Variants in FOXO1 observed in about 807,000 individuals in gnomAD.
FOXO1 encodes forkhead box protein O1.
Under a neutral mutation model 44.1 loss-of-function variants are expected in FOXO1, and 6 were observed. That is an observed-to-expected ratio of 0.14 (90% CI 0.07 to 0.27). The LOEUF is 0.27. Among genes scored for constraint, FOXO1 ranks in the 10% least tolerant of loss-of-function variants. The probability of loss-of-function intolerance (pLI) is 1.00; values close to 1 mark genes in which losing one functional copy is unlikely to be tolerated. For missense variants in FOXO1, 737 were observed against 888.8 expected, an observed-to-expected ratio of 0.83 and a Z score of 2.17; for synonymous variants, 380 against 362.7, an observed-to-expected ratio of 1.05 and a Z score of -0.54.
chr13:40,641,615 T>C (rs1220706062), intron 1 of FOXO1, among the ~76,000 whole-genome samples: 1 of 152,152 alleles, frequency 6.6e-6, no homozygotes. Context: ...CTAGTTTTTT[T>C]CTCCAAAATT....
intron 1 of FOXO1, among the ~76,000 whole-genome samples, chr13:40,609,630 G>A (rs1247360649): frequency 6.6e-6 from 1 of 151,934 alleles, no homozygotes; most frequent in East Asian, 1.9e-4. Flanking sequence ...TTGAACCAAG[G>A]CCAGTAGAAT....
At chr13:40,641,774 T>A (rs532091302) in intron 1 of FOXO1, among the ~76,000 whole-genome samples, 5 of 152,126 alleles carry the variant, frequency 3.3e-5, no homozygotes, top group Non-Finnish European at 7.4e-5. Context: ...TCACTTGAGG[T>A]CAGGAGTTCA....
chr13:40,605,495 C>A (rs1210865038), intron 1 of FOXO1, among the ~76,000 whole-genome samples: 1 of 152,180 alleles, frequency 6.6e-6, no homozygotes, highest in Non-Finnish European at 1.5e-5. Flanking sequence ...GCTCCCAATT[C>A]TCCAGCCTTA....
intron 1 of FOXO1, among the ~76,000 whole-genome samples, chr13:40,585,303 G>C (rs776030195): frequency 6.6e-6 from 1 of 151,272 alleles, no homozygotes; most frequent in Non-Finnish European, 1.5e-5. Flanking sequence ...TTCCTCCCCC[G>C]CTTTCCCCTT....
chr13:40,644,175 G>A (rs1457274962), intron 1 of FOXO1, among the ~76,000 whole-genome samples: 1 of 152,206 alleles, frequency 6.6e-6, no homozygotes, highest in East Asian at 1.9e-4. Context: ...CTTTTGTCCA[G>A]TGATCTCGAA....
chr13:40,564,945 G>GAGTCGGGGAACCCCGACATGGTGT (rs1285122774), intron 1 of FOXO1, among the ~76,000 whole-genome samples: 17,972 of 148,496 alleles, frequency 0.12, 2,064 homozygotes, highest in East Asian at 0.32. Context: ...ACAGATGGGG[G>GAGTCGGGGAACCCCGACATGGTGT]AGTCGGGGAA....
At chr13:40,570,242 G>A (rs1593382403) in intron 1 of FOXO1, among the ~76,000 whole-genome samples, 2 of 151,888 alleles carry the variant, frequency 1.3e-5, no homozygotes, top group Middle Eastern at 3.4e-3. Flanking sequence ...CTCGGGAGGC[G>A]GAGGTTGCAG....
chr13:40,575,408 C>T (rs959785186), intron 1 of FOXO1, among the ~76,000 whole-genome samples: 4 of 152,028 alleles, frequency 2.6e-5, no homozygotes, highest in Admixed American at 2.0e-4. Flanking sequence ...AGTGTTAGAG[C>T]ACTTGCCAGG....
intron 1 of FOXO1, among the ~76,000 whole-genome samples, chr13:40,635,567 C>G (rs1049779260): frequency 6.6e-6 from 1 of 152,180 alleles, no homozygotes; most frequent in Non-Finnish European, 1.5e-5. Context: ...AAACAAATAA[C>G]CTGCTAAGAC....
At chr13:40,604,782 T>G (rs1237679539) in intron 1 of FOXO1, among the ~76,000 whole-genome samples, 4 of 152,162 alleles carry the variant, frequency 2.6e-5, no homozygotes, top group Non-Finnish European at 5.9e-5. Flanking sequence ...TAAGATGTTA[T>G]TTTTTTCTAG....
intron 1 of FOXO1, among the ~76,000 whole-genome samples, chr13:40,579,432 T>C (rs1874880053): frequency 6.6e-6 from 1 of 152,186 alleles, no homozygotes; most frequent in Admixed American, 6.5e-5. Flanking sequence ...ACAGTCAACA[T>C]CATCTTCAGA....
chr13:40,620,372 G>A, intron 1 of FOXO1: 1 of 703,764 alleles, frequency 1.4e-6, no homozygotes, highest in Non-Finnish European at 2.6e-6. Context: ...CTCGTTTAGA[G>A]CGGTCACGTA....
At chr13:40,592,287 T>C (rs774405230) in intron 1 of FOXO1, among the ~76,000 whole-genome samples, 5 of 152,200 alleles carry the variant, frequency 3.3e-5, no homozygotes, top group Non-Finnish European at 7.3e-5. Context: ...TGTATCCTGA[T>C]CATGATTTAA....
intron 1 of FOXO1, among the ~76,000 whole-genome samples, chr13:40,622,445 A>C (rs912457747): frequency 6.6e-6 from 1 of 152,222 alleles, no homozygotes; most frequent in African/African-American, 2.4e-5. Context: ...ACTTACAGAG[A>C]TGTTTATTTA....
intron 1 of FOXO1, among the ~76,000 whole-genome samples, chr13:40,603,100 A>G (rs1875868026): frequency 6.6e-6 from 1 of 152,138 alleles, no homozygotes; most frequent in Non-Finnish European, 1.5e-5. Flanking sequence ...GGGGCTGCCA[A>G]TGGTCCTTCA....
chr13:40,652,123 TC>T (rs925830612), intron 1 of FOXO1, among the ~76,000 whole-genome samples: 17 of 152,092 alleles, frequency 1.1e-4, no homozygotes, highest in African/African-American at 4.1e-4. Flanking sequence ...TCCCCTCTCC[TC>T]CCTCCCCACT....
intron 1 of FOXO1, among the ~76,000 whole-genome samples, chr13:40,571,937 G>A (rs531958379): frequency 1.3e-5 from 2 of 152,248 alleles, no homozygotes; most frequent in South Asian, 4.1e-4. Flanking sequence ...TTTAAATTAG[G>A]CATAAAATAA....
At chr13:40,641,947 T>C (rs1394590625) in intron 1 of FOXO1, among the ~76,000 whole-genome samples, 2 of 152,010 alleles carry the variant, frequency 1.3e-5, no homozygotes, top group African/African-American at 4.8e-5. Flanking sequence ...GATCACACCA[T>C]TGCACTCCAG....
chr13:40,609,720 A>C (rs1391874001), intron 1 of FOXO1, among the ~76,000 whole-genome samples: 1 of 152,192 alleles, frequency 6.6e-6, no homozygotes, highest in Admixed American at 6.5e-5. Context: ...GGGGGGAAAA[A>C]AATTCCTCAA....
Sources: gnomAD v4.1 joint callset for allele counts (sites outside exome capture counted in the v4.1 genomes callset) on GRCh38, gnomAD v4.1.1 for gene constraint, MANE v1.5 for transcripts, NCBI Gene and HGNC (gene_info 2026-07-23, HGNC 2026-07-21) for gene names.